Variants in FBXO11 observed in about 807,000 individuals in gnomAD.
The protein encoded by FBXO11 is F-box only protein 11.
FBXO11 carries 13 observed loss-of-function variants against 117.0 expected under a neutral mutation model. The ratio of observed to expected loss-of-function variants is 0.11; its 90% CI spans 0.07 to 0.18. FBXO11 has a LOEUF of 0.18. FBXO11 is among the 10% of genes least tolerant of loss of function. The pLI is 1.00. For synonymous variants in FBXO11, 490 were observed against 380.5 expected, an observed-to-expected ratio of 1.29 and a Z score of -3.35; for missense variants, 767 against 1,164.4, an observed-to-expected ratio of 0.66 and a Z score of 4.97.
At chr2:47,889,790 A>G (rs1338072545) in intron 1 of FBXO11, among the ~76,000 whole-genome samples, 2 of 152,248 alleles carry the variant, frequency 1.3e-5, no homozygotes, top group Non-Finnish European at 2.9e-5. Flanking sequence ...ACATGAGTCC[A>G]TACCACTAGG....
At chr2:47,873,329 G>C (rs1675762291) in intron 1 of FBXO11, among the ~76,000 whole-genome samples, 1 of 152,220 alleles carries the variant, frequency 6.6e-6, no homozygotes, top group Admixed American at 6.5e-5. Context: ...TGATGGTAAA[G>C]AGGCAAATAC....
chr2:47,885,616 C>G (rs1221658313), intron 1 of FBXO11, among the ~76,000 whole-genome samples: 1 of 152,036 alleles, frequency 6.6e-6, no homozygotes, highest in Non-Finnish European at 1.5e-5. Context: ...ATGAGTTTGT[C>G]TAAGGAAGAA....
In FBXO11 at chr2:47,905,774, A is replaced by G; in HGVS notation, c.-54T>C. 6 of 1,269,620 alleles carry G rather than the reference A, an allele frequency of 4.7e-6. No homozygotes were observed. Among genetic ancestry groups the G allele is most frequent in the Non-Finnish European group, 6.1e-6 (6 of 981,106 alleles). The allele number at this position is 1,269,620 out of a possible 1,614,324, so 78.6% of individuals were successfully genotyped here. On this transcript the variant is annotated 5_prime_UTR_variant, in exon 1 of 23. Coordinates refer to ENST00000403359, the MANE Select transcript of FBXO11 (RefSeq NM_001190274.2). ...GAGGGACACACACACGCACACGCAC[A>G]GCGAGCTTCGGGGCAGGAGAAAGGG... is the stretch of plus-strand genomic sequence containing the variant.
At chr2:47,878,349 C>A (rs1461015890) in intron 1 of FBXO11, among the ~76,000 whole-genome samples, 2 of 151,868 alleles carry the variant, frequency 1.3e-5, no homozygotes. Context: ...AACACCTTGC[C>A]TTTTGTTCTT....
At chr2:47,816,157 AG>A (rs1431281241) in intron 16 of FBXO11, among the ~76,000 whole-genome samples, 1 of 152,176 alleles carries the variant, frequency 6.6e-6, no homozygotes, top group African/African-American at 2.4e-5. Context: ...CATTTGGCTC[AG>A]GGCATAACTG....
At chr2:47,893,370 A>T (rs1677408630) in intron 1 of FBXO11, among the ~76,000 whole-genome samples, 1 of 152,084 alleles carries the variant, frequency 6.6e-6, no homozygotes. Flanking sequence ...ATATATATAC[A>T]CACATACTGG....
chr2:47,903,780 A>T (rs1678508145), intron 1 of FBXO11, among the ~76,000 whole-genome samples: 1 of 152,236 alleles, frequency 6.6e-6, no homozygotes, highest in Admixed American at 6.5e-5. Flanking sequence ...GTTTTCTCAA[A>T]CATATTTGTC....
chr2:47,904,881 G>T (rs962254165), intron 1 of FBXO11, among the ~76,000 whole-genome samples: 1 of 152,022 alleles, frequency 6.6e-6, no homozygotes, highest in South Asian at 2.1e-4. Flanking sequence ...CAAACACTGT[G>T]GGGTTGGGAG....
intron 1 of FBXO11, among the ~76,000 whole-genome samples, chr2:47,888,116 G>A (rs1042293098): frequency 2.0e-5 from 3 of 152,010 alleles, no homozygotes; most frequent in Non-Finnish European, 4.4e-5. Flanking sequence ...GATCTACACC[G>A]CTCACTTCGC....
At chr2:47,821,918 C>T (rs1032535618) in intron 13 of FBXO11, among the ~76,000 whole-genome samples, 7 of 152,092 alleles carry the variant, frequency 4.6e-5, no homozygotes, top group Non-Finnish European at 8.8e-5. Context: ...AAGGCAAAAC[C>T]CAGCCTCCAC....
intron 16 of FBXO11, among the ~76,000 whole-genome samples, chr2:47,816,389 C>G (rs552733586): frequency 2.0e-5 from 3 of 152,214 alleles, no homozygotes; most frequent in African/African-American, 7.2e-5. Context: ...CTATGTTGCC[C>G]AGGCTGATCT....
chr2:47,812,659 A>T (rs1298173179), intron 18 of FBXO11, among the ~76,000 whole-genome samples: 1 of 152,222 alleles, frequency 6.6e-6, no homozygotes, highest in African/African-American at 2.4e-5. Context: ...ATGTTGGGTT[A>T]TTGACATTTC....
In FBXO11 at chr2:47,905,863, C is replaced by T. The variant is rs1678776092; in HGVS notation, c.-143G>A. On this transcript the variant is annotated 5_prime_UTR_variant, in exon 1 of 23. Coordinates refer to ENST00000403359, the MANE Select transcript of FBXO11 (RefSeq NM_001190274.2). ...CGAGGGGAAGGGGAGACGCTGAGGG[C>T]GGAGGGGGCGAGCGGGACCCCGAGT... is the stretch of plus-strand genomic sequence containing the variant. 1.0e-5 allele frequency: 2 copies of T among 193,390 alleles called. No homozygotes were observed. Among genetic ancestry groups the T allele is most frequent in the South Asian group, 2.0e-4 (2 of 10,108 alleles). 12.0% of individuals were successfully genotyped at this position (193,390 alleles called of 1,614,324 possible).
At chr2:47,868,482 A>C (rs1370687787) in intron 1 of FBXO11, among the ~76,000 whole-genome samples, 1 of 151,984 alleles carries the variant, frequency 6.6e-6, no homozygotes, top group African/African-American at 2.4e-5. Context: ...AATTTTCTTG[A>C]AATATTTGTT....
intron 16 of FBXO11, among the ~76,000 whole-genome samples, chr2:47,817,983 A>C (rs1240256019): frequency 6.6e-6 from 1 of 152,206 alleles, no homozygotes; most frequent in East Asian, 1.9e-4. Flanking sequence ...CCCCATCTCT[A>C]CTAAAAATAC....
In FBXO11 at chr2:47,829,677, G is replaced by A. The variant is rs1672036115; in HGVS notation, c.1398+2672C>T. ...TATTAAGGAATTATTCCTAATTATT[G>A]AGGAGTGGATTAGCACTGTGGTTAT... On this transcript the variant is annotated intron_variant, in intron 11 of 22. Coordinates refer to ENST00000403359, the MANE Select transcript of FBXO11 (RefSeq NM_001190274.2). Among the ~76,000 whole-genome samples, 3 of 151,974 alleles carry A rather than the reference G, an allele frequency of 2.0e-5. No homozygotes were observed. The South Asian group carries it at 6.2e-4, about 32-fold the overall frequency.
chr2:47,891,450 A>C (rs952779586), intron 1 of FBXO11, among the ~76,000 whole-genome samples: 1 of 152,254 alleles, frequency 6.6e-6, no homozygotes, highest in Admixed American at 6.5e-5. Flanking sequence ...TGCACATTGC[A>C]GAATTCCTTA....
At chr2:47,825,262 T>G (rs1416679603) in intron 11 of FBXO11, among the ~76,000 whole-genome samples, 1 of 152,196 alleles carries the variant, frequency 6.6e-6, no homozygotes, top group Non-Finnish European at 1.5e-5. Flanking sequence ...ATCTCTATAT[T>G]TGGATTATAA....
At chr2:47,860,424 T>G (rs886983338) in intron 1 of FBXO11, among the ~76,000 whole-genome samples, 8 of 151,880 alleles carry the variant, frequency 5.3e-5, no homozygotes, top group Non-Finnish European at 1.0e-4. Context: ...TTTTTTTTTT[T>G]TTTGGAGACA....
Sources: gnomAD v4.1 joint callset for allele counts (sites outside exome capture counted in the v4.1 genomes callset) on GRCh38, gnomAD v4.1.1 for gene constraint, MANE v1.5 for transcripts, NCBI Gene and HGNC (gene_info 2026-07-23, HGNC 2026-07-21) for gene names.